AFF1: variants seen among roughly 807,000 people sequenced by gnomAD.
The protein encoded by AFF1 is AF4/FMR2 family member 1.
In AFF1, 48 loss-of-function variants were observed where a neutral mutation model predicts 121.7. The observed-to-expected ratio is 0.39, with a 90% CI of 0.31 to 0.50. The LOEUF (loss-of-function observed/expected upper bound fraction) is 0.50. Ranked by LOEUF, AFF1 falls within the 20% of genes least tolerant of loss-of-function variation. The pLI is 0.76. For synonymous variants in AFF1, 613 were observed against 563.0 expected, an observed-to-expected ratio of 1.09 and a Z score of -1.26; for missense variants, 1,523 against 1,511.7, an observed-to-expected ratio of 1.01 and a Z score of -0.12.
At chr4:87,048,307 C>T (rs191948331) in intron 4 of AFF1, among the ~76,000 whole-genome samples, 36 of 152,270 alleles carry the variant, frequency 2.4e-4, no homozygotes, top group Admixed American at 9.8e-4. Flanking sequence ...AACCCAAATG[C>T]TGTACTTTTT....
intron 16 of AFF1, among the ~76,000 whole-genome samples, chr4:87,130,190 C>G (rs548393912): frequency 6.6e-6 from 1 of 152,078 alleles, no homozygotes; most frequent in East Asian, 1.9e-4. Flanking sequence ...CCAGGCTGGT[C>G]TCAAAATCCT....
chr4:87,047,991 G>A (rs1479645005), intron 4 of AFF1: 3 of 236,962 alleles, frequency 1.3e-5, no homozygotes, highest in Non-Finnish European at 2.5e-5. Context: ...ATTGTTTTGG[G>A]AGACACTGGG....
chr4:87,101,059 A>G (rs969090045), intron 8 of AFF1, among the ~76,000 whole-genome samples: 1 of 152,182 alleles, frequency 6.6e-6, no homozygotes, highest in Admixed American at 6.5e-5. Flanking sequence ...TCCTGTGGAA[A>G]GTTTCCCATG....
intron 1 of AFF1, among the ~76,000 whole-genome samples, chr4:86,943,278 G>T (rs1022766946): frequency 1.3e-5 from 2 of 152,202 alleles, no homozygotes; most frequent in African/African-American, 4.8e-5. Flanking sequence ...AACTGTAGAT[G>T]ATCAGGTCAG....
intron 5 of AFF1, among the ~76,000 whole-genome samples, chr4:87,088,409 C>A (rs1048886048): frequency 1.3e-5 from 2 of 152,176 alleles, no homozygotes; most frequent in African/African-American, 2.4e-5. Flanking sequence ...CAACGGGAGA[C>A]CTGCACATAG....
chr4:86,985,214 T>TATATATATATAAAA (rs1277485096), intron 2 of AFF1, among the ~76,000 whole-genome samples: 3 of 104,560 alleles, frequency 2.9e-5, no homozygotes, highest in African/African-American at 6.7e-5. Context: ...TATATATATA[T>TATATATATATAAAA]AAAATTATAT....
chr4:87,071,173 CTTT>C (rs34949744), intron 4 of AFF1, among the ~76,000 whole-genome samples: 6 of 120,722 alleles, frequency 5.0e-5, no homozygotes, highest in Admixed American at 8.3e-5. Context: ...CCCTACCAGT[CTTT>C]TTTTTTTTTT....
intron 12 of AFF1, among the ~76,000 whole-genome samples, chr4:87,121,813 GCTGT>G (rs1727721564): frequency 1.3e-5 from 2 of 152,148 alleles, no homozygotes; most frequent in Non-Finnish European, 2.9e-5. Context: ...TCTCTTGTTG[GCTGT>G]CTACTTGAGT....
chr4:87,139,963 T>A lies in AFF1; in HGVS notation c.*4262T>A, dbSNP rs1391032963. 2 of 212,778 alleles carry A rather than the reference T, an allele frequency of 9.4e-6. No homozygotes were observed. Among genetic ancestry groups the A allele is most frequent in the African/African-American group, 4.5e-5 (2 of 44,144 alleles). 13.2% of individuals were successfully genotyped at this position (212,778 alleles called of 1,614,324 possible). On this transcript the variant is annotated 3_prime_UTR_variant, in exon 21 of 21. Coordinates refer to ENST00000395146, the MANE Select transcript of AFF1 (RefSeq NM_001166693.3). Reference sequence around the variant, plus strand: ...CTTTAGGTGGCTATAAATTTCTTACTGTCAGGAGGAAATGACATTATATTC... The same window carrying A: ...CTTTAGGTGGCTATAAATTTCTTACAGTCAGGAGGAAATGACATTATATTC...
rs181271690 is a variant in AFF1, at chr4:87,063,374, G to T, written c.1059+15780G>T. Among the ~76,000 whole-genome samples, 254 of 151,348 alleles carry T rather than the reference G, an allele frequency of 1.7e-3. 1 individual carries two copies. Among genetic ancestry groups the T allele is most frequent in the South Asian group, 4.6e-3 (22 of 4,798 alleles). ...CCTGCCTCAGCCTTCCCAAGTAGCT[G>T]GGATAATAAGCATGCACCACCAATC... is the stretch of plus-strand genomic sequence containing the variant. On this transcript the variant is annotated intron_variant, in intron 4 of 20. Coordinates refer to ENST00000395146, the MANE Select transcript of AFF1 (RefSeq NM_001166693.3).
intron 4 of AFF1, among the ~76,000 whole-genome samples, chr4:87,059,162 A>G (rs1720468832): frequency 6.6e-6 from 1 of 152,204 alleles, no homozygotes; most frequent in African/African-American, 2.4e-5. Flanking sequence ...CACGAACACC[A>G]GAGTGATTTT....
intron 2 of AFF1, among the ~76,000 whole-genome samples, chr4:86,984,036 CAAAAAA>C (rs918906132): frequency 6.7e-6 from 1 of 148,678 alleles, no homozygotes; most frequent in African/African-American, 2.5e-5. Flanking sequence ...GACTCCATCT[CAAAAAA>C]AAAGAAAAAG....
Position 87,132,276 on chromosome 4 carries a change from G to T in AFF1, c.3179G>T (p.Arg1060Leu). The change falls in exon 19 of 21, where the codon CGT (arginine) becomes CTT (leucine). Residue 1060 changes from arginine to leucine, a missense_variant. Transcript: ENST00000395146. ...ACTTCTGTCTTTGTTCATAGCATGC[G>T]TTGCCAGTCCATTTTGAACATGGCG... The part of the protein sequence containing the change: ...QEKIFAVLCM[R>L]CQSILNMAMF... 6.2e-7 allele frequency: 1 copy of T among 1,611,870 alleles called. No homozygotes were observed.
intron 10 of AFF1, 114 bp downstream of exon 10, chr4:87,105,959 G>T: frequency 7.6e-7 from 1 of 1,320,756 alleles, no homozygotes; most frequent in Non-Finnish European, 1.1e-6. Flanking sequence ...AGGAGCTGAA[G>T]GATCACAGTA....
chr4:87,024,682 C>T (rs568180618), intron 2 of AFF1, among the ~76,000 whole-genome samples: 1 of 152,200 alleles, frequency 6.6e-6, no homozygotes, highest in African/African-American at 2.4e-5. Flanking sequence ...CCTCTGCCTC[C>T]TGGGTTCAAG....
rs1385694208 is a variant in AFF1 at position 87,053,439 on chromosome 4, A to G, written c.1059+5845A>G. On this transcript the variant is annotated intron_variant, in intron 4 of 20. Coordinates refer to ENST00000395146, the MANE Select transcript of AFF1 (RefSeq NM_001166693.3). ...TTAACCCACAGTGGAAAACTGTGTG[A>G]TAGTGATTCACTTTGCATTCACATA... Among the ~76,000 whole-genome samples the G allele has an allele frequency of 2.6e-5, 4 of 152,352 alleles. No individual in the cohort carries two copies. In the South Asian group the frequency reaches 6.2e-4, roughly 24 times the overall value.
intron 2 of AFF1, among the ~76,000 whole-genome samples, chr4:86,979,911 T>C (rs554941680): frequency 7.9e-5 from 12 of 152,308 alleles, no homozygotes; most frequent in Admixed American, 6.5e-4. Flanking sequence ...TCTATCTCCC[T>C]AGGAATCTAA....
intron 12 of AFF1, among the ~76,000 whole-genome samples, chr4:87,117,833 G>A (rs996984244): frequency 7.4e-6 from 1 of 136,046 alleles, no homozygotes; most frequent in Non-Finnish European, 1.6e-5. Context: ...ATTATTTTCT[G>A]TAGAGGACAG....
intron 12 of AFF1, among the ~76,000 whole-genome samples, chr4:87,120,620 C>T (rs1012914197): frequency 3.3e-5 from 5 of 152,220 alleles, no homozygotes; most frequent in East Asian, 3.8e-4. Context: ...CGCACAAGGT[C>T]GGCGTACTGG....
Sources: gnomAD v4.1 joint callset for allele counts (sites outside exome capture counted in the v4.1 genomes callset) on GRCh38, gnomAD v4.1.1 for gene constraint, MANE v1.5 for transcripts, NCBI Gene and HGNC (gene_info 2026-07-23, HGNC 2026-07-21) for gene names.